CBLN4: variants seen among roughly 807,000 people sequenced by gnomAD.
The protein encoded by CBLN4 is cerebellin 4 precursor, also known as cerebellin-4.
Under a neutral mutation model 14.9 loss-of-function variants are expected in CBLN4, and 7 were observed. The ratio of observed to expected loss-of-function variants is 0.47; its 90% confidence interval spans 0.27 to 0.88. The LOEUF is 0.88. Ranked by LOEUF, CBLN4 falls within the 40% of genes least tolerant of loss-of-function variation. The probability of loss-of-function intolerance (pLI) is 0.14; values close to 1 mark genes in which losing one functional copy is unlikely to be tolerated. For synonymous variants in CBLN4, 131 were observed against 116.5 expected, an observed-to-expected ratio of 1.12 and a Z score of -0.80; for missense variants, 188 against 256.8, an observed-to-expected ratio of 0.73 and a Z score of 1.83.
At chr20:56,003,195 G>T (rs562212336) in intron 1 of CBLN4, among the ~76,000 whole-genome samples, 2 of 152,216 alleles carry the variant, frequency 1.3e-5, no homozygotes, top group Admixed American at 1.3e-4. Context: ...TCCTACAGGA[G>T]CTCAGCGCAG....
chr20:56,001,593 G>C (rs1986373974), intron 1 of CBLN4, among the ~76,000 whole-genome samples: 1 of 152,096 alleles, frequency 6.6e-6, no homozygotes, highest in Admixed American at 6.5e-5. Context: ...AAAGAGGAGA[G>C]CATAGAGAAG....
At chr20:56,002,323 T>C (rs942064872) in intron 1 of CBLN4, among the ~76,000 whole-genome samples, 3 of 152,186 alleles carry the variant, frequency 2.0e-5, no homozygotes, top group African/African-American at 7.2e-5. Flanking sequence ...TAAAATAATT[T>C]GAGGTGCTTA....
chr20:56,004,281 C>T lies in CBLN4; in HGVS notation c.-110G>A. Reference sequence around the variant, plus strand: ...GATGCTAGCGGCTAGGTCGACAGCGCTGCAGGAGCGACGGCGGCGGCGGCG... The same window carrying T: ...GATGCTAGCGGCTAGGTCGACAGCGTTGCAGGAGCGACGGCGGCGGCGGCG... On this transcript the variant is annotated 5_prime_UTR_variant, in exon 1 of 3. Transcript: ENST00000064571. The surrounding 1 kb of genome is among the most constrained non-coding windows in gnomAD (Gnocchi z 6.1). 1 of 1,153,706 alleles carries T rather than the reference C, an allele frequency of 8.7e-7. No individual in the cohort carries two copies. Among genetic ancestry groups the T allele is most frequent in the Non-Finnish European group, 1.1e-6 (1 of 876,482 alleles). 71.5% of individuals were successfully genotyped at this position (1,153,706 alleles called of 1,614,324 possible).
At chr20:56,003,789 A>G in intron 1 of CBLN4, 92 bp downstream of exon 1, 1 of 1,345,302 alleles carries the variant, frequency 7.4e-7, no homozygotes, top group Non-Finnish European at 1.0e-6. Flanking sequence ...CCCATTTCCC[A>G]ATCGGACCAG....
chr20:55,999,467 A>G (rs1275039544), intron 2 of CBLN4, among the ~76,000 whole-genome samples: 1 of 152,094 alleles, frequency 6.6e-6, no homozygotes, highest in Admixed American at 6.6e-5. Context: ...AAACAAAACA[A>G]CAAATTTAAA....
Position 55,997,358 on chromosome 20 carries a change from A to G in CBLN4, c.*1199T>C, listed in dbSNP as rs1568829204. 6.6e-6 allele frequency: 1 copy of G among 152,464 alleles called. No homozygotes were observed. Among genetic ancestry groups the G allele is most frequent in the African/African-American group, 2.4e-5 (1 of 41,446 alleles). The allele number at this position is 152,464 out of a possible 1,614,324, so 9.4% of individuals were successfully genotyped here. A position where few individuals can be genotyped will look rare whatever the true frequency, so the allele number is the denominator to read the frequency against. ...GAAAAAAGGAGCAAAGAAGGAAGAA[A>G]GGGTTAAGAAGAGACAAAGTAAGAG... On this transcript the variant is annotated 3_prime_UTR_variant, in exon 3 of 3. Transcript: ENST00000064571.
chr20:56,000,587 A>G (rs1310735096), intron 2 of CBLN4, 144 bp downstream of exon 2: 1 of 436,996 alleles, frequency 2.3e-6, no homozygotes, highest in African/African-American at 2.1e-5. Context: ...AAAATTAGAA[A>G]TTAAGTGTTT....
chr20:56,001,155 C>T (rs1287100065), intron 1 of CBLN4, among the ~76,000 whole-genome samples: 2 of 152,214 alleles, frequency 1.3e-5, no homozygotes, highest in African/African-American at 4.8e-5. Context: ...AAAGTAACTG[C>T]TTTGTATTCA....
chr20:56,002,994 C>T (rs1400934709), intron 1 of CBLN4, among the ~76,000 whole-genome samples: 1 of 152,212 alleles, frequency 6.6e-6, no homozygotes, highest in African/African-American at 2.4e-5. Flanking sequence ...AGACCCCTTG[C>T]TAAAGGTAAG....
Position 55,998,738 on chromosome 20 carries a change from T to C in CBLN4, c.425A>G (p.Asn142Ser). Reference sequence around the variant, plus strand: ...AAAGGCAGATATTACTGGTTTTCCATTTAACATCAAGTTAACCTAGAAGAA... The same window carrying C: ...AAAGGCAGATATTACTGGTTTTCCACTTAACATCAAGTTAACCTAGAAGAA... Reference protein sequence around the residue: ...SQTIQVNLMLNGKPVISAFAG... With the variant: ...SQTIQVNLMLSGKPVISAFAG... The change falls in exon 3 of 3, where the codon AAT (asparagine) becomes AGT (serine). Residue 142 changes from asparagine (N) to serine (S), a missense_variant. This residue lies in a region of CBLN4 where 93 missense variants were observed against 157.7 expected (regional missense o/e 0.59). Transcript: ENST00000064571. 2.5e-6 allele frequency: 4 copies of C among 1,613,856 alleles called. No homozygotes were observed. The highest frequency in any genetic ancestry group is 2.2e-5 in the East Asian group (1 of 44,884).
At chr20:56,001,033 G>C (rs1986360940) in intron 1 of CBLN4, among the ~76,000 whole-genome samples, 186 bp from the exon 2 acceptor site, 1 of 151,168 alleles carries the variant, frequency 6.6e-6, no homozygotes, top group African/African-American at 2.4e-5. Context: ...ACTAGCTTAA[G>C]AAATCATAGA....
At position 56,004,804 on chromosome 20, in the gene CBLN4, G is replaced by C. The variant is rs578237910; in HGVS notation, c.-633C>G. On this transcript the variant is annotated 5_prime_UTR_variant, in exon 1 of 3. Coordinates refer to ENST00000064571, the MANE Select transcript of CBLN4 (RefSeq NM_080617.6). This position sits in a 1 kb window ranked among gnomAD's most constrained non-coding sequence, Gnocchi z 6.1. ...CAAACCTGGTGTCACCCAGAGGTAG[G>C]GAGGGAGGCAGCGGCTAGCCAGGTC... 3.3e-5 allele frequency: 5 copies of C among 152,578 alleles called. No homozygotes were observed. The East Asian group carries it at 9.7e-4, about 29-fold the overall frequency. 9.5% of individuals were successfully genotyped at this position (152,578 alleles called of 1,614,324 possible). A position where few individuals can be genotyped will look rare whatever the true frequency, so the allele number is the denominator to read the frequency against.
chr20:56,000,541 G>A (rs1184103740), intron 2 of CBLN4, among the ~76,000 whole-genome samples, 190 bp downstream of exon 2: 4 of 151,938 alleles, frequency 2.6e-5, no homozygotes, highest in African/African-American at 7.3e-5. Flanking sequence ...TTTTCTATAC[G>A]CTTTTTGTCA....
chr20:55,997,947 T>C lies in CBLN4; in HGVS notation c.*610A>G, dbSNP rs1012179347. ...CAATTAAAATACAACTATGAAGCAT[T>C]CTTTTTTTTTGAGAGAAGTCATGTC... On this transcript the variant is annotated 3_prime_UTR_variant, in exon 3 of 3. Coordinates refer to ENST00000064571, the MANE Select transcript of CBLN4 (RefSeq NM_080617.6). The C allele has an allele frequency of 6.6e-6, 1 of 151,982 alleles. No homozygotes were observed. The highest frequency in any genetic ancestry group is 1.5e-5 in the Non-Finnish European group (1 of 68,034). 9.4% of individuals were successfully genotyped at this position (151,982 alleles called of 1,614,324 possible).
Position 55,997,948 on chromosome 20 carries a change from CT to C in CBLN4, c.*608del, listed in dbSNP as rs11483268. 224 of 150,966 alleles carry C rather than the reference CT, an allele frequency of 1.5e-3. 1 individual carries two copies. Among genetic ancestry groups the C allele is most frequent in the African/African-American group, 5.1e-3 (210 of 41,038 alleles). 9.4% of individuals were successfully genotyped at this position (150,966 alleles called of 1,614,324 possible). Reference sequence around the variant, plus strand: ...AATTAAAATACAACTATGAAGCATTCTTTTTTTTTGAGAGAAGTCATGTCGA... The same window carrying C: ...AATTAAAATACAACTATGAAGCATTCTTTTTTTTGAGAGAAGTCATGTCGA... On this transcript the variant is annotated 3_prime_UTR_variant, in exon 3 of 3. Transcript: ENST00000064571.
In CBLN4 at chr20:56,004,772, A is replaced by T. The variant is rs2145961097; in HGVS notation, c.-601T>A. Reference sequence around the variant, plus strand: ...ACTCCCACTTTCGCCTGGTCAAAAAAATCCCCCAAACCTGGTGTCACCCAG... The same window carrying T: ...ACTCCCACTTTCGCCTGGTCAAAAATATCCCCCAAACCTGGTGTCACCCAG... On this transcript the variant is annotated 5_prime_UTR_variant, in exon 1 of 3. Coordinates refer to ENST00000064571, the MANE Select transcript of CBLN4 (RefSeq NM_080617.6). This position sits in a 1 kb window ranked among gnomAD's most constrained non-coding sequence, Gnocchi z 6.1. The T allele has an allele frequency of 6.6e-6, 1 of 152,518 alleles. No individual in the cohort carries two copies. Among genetic ancestry groups the T allele is most frequent in the South Asian group, 2.1e-4 (1 of 4,830 alleles). 9.4% of individuals were successfully genotyped at this position (152,518 alleles called of 1,614,324 possible). A position where few individuals can be genotyped will look rare whatever the true frequency, so the allele number is the denominator to read the frequency against.
chr20:56,002,037 T>C (rs1986382964), intron 1 of CBLN4, among the ~76,000 whole-genome samples: 1 of 152,218 alleles, frequency 6.6e-6, no homozygotes, highest in Admixed American at 6.5e-5. Flanking sequence ...TTCTTGCCAA[T>C]ATTAACACAC....
At chr20:56,003,849 C>T (rs747707490) in intron 1 of CBLN4, 32 bp downstream of exon 1, 2 of 1,567,570 alleles carry the variant, frequency 1.3e-6, no homozygotes, top group African/African-American at 2.7e-5. Flanking sequence ...GACCGCCCAC[C>T]CCCTAGGTGC....
intron 1 of CBLN4, 141 bp from the exon 2 acceptor site, chr20:56,000,988 T>C (rs1206956125): frequency 1.4e-5 from 6 of 436,984 alleles, no homozygotes; most frequent in Non-Finnish European, 2.4e-5. Context: ...TTCTTTCTTT[T>C]CTTTTTTCTT....
Sources: allele counts gnomAD v4.1 joint callset (sites outside exome capture counted in the v4.1 genomes callset), GRCh38; gene constraint gnomAD v4.1.1; regional missense constraint gnomAD v4.1.1; non-coding constraint Gnocchi (gnomAD v3.1); transcripts MANE v1.5; gene names NCBI Gene and HGNC (gene_info 2026-07-23, HGNC 2026-07-21).